IGF1: variants seen among roughly 807,000 people sequenced by gnomAD.
The protein encoded by IGF1 is insulin-like growth factor 1.
Under a neutral mutation model 13.8 loss-of-function variants are expected in IGF1, and 4 were observed. The ratio of observed to expected loss-of-function variants is 0.29; its 90% CI spans 0.14 to 0.66. The LOEUF (loss-of-function observed/expected upper bound fraction) is 0.66. Among genes scored for constraint, IGF1 ranks in the 30% least tolerant of loss-of-function variants. The pLI is 0.78. For missense variants in IGF1, 124 were observed against 188.5 expected (o/e 0.66, Z 2.00); for synonymous variants, 76 against 72.6 (o/e 1.05, Z -0.23).
In IGF1 at chr12:102,451,565, A is replaced by G. The variant is rs150898880; in HGVS notation, c.220+24078T>C. Among the ~76,000 whole-genome samples, 202 of 152,330 alleles carry G rather than the reference A, an allele frequency of 1.3e-3. 2 individuals carry two copies. Among genetic ancestry groups the G allele is most frequent in the African/African-American group, 4.7e-3 (196 of 41,566 alleles). ...GAAGAGAAAGTGAAAAGAAGATGGG[A>G]GATCGATGAGAAAGATATTCCAACC... is the stretch of plus-strand genomic sequence containing the variant. On this transcript the variant is annotated intron_variant, in intron 2 of 3. Transcript: ENST00000337514.
At chr12:102,426,245 CCTT>C (rs1876193226) in intron 2 of IGF1, among the ~76,000 whole-genome samples, 1 of 152,194 alleles carries the variant, frequency 6.6e-6, no homozygotes, top group African/African-American at 2.4e-5. Context: ...AAGGACTCAA[CCTT>C]CTAAGATTCA....
intron 2 of IGF1, among the ~76,000 whole-genome samples, chr12:102,435,980 G>C (rs1334097249): frequency 2.6e-5 from 4 of 152,212 alleles, no homozygotes; most frequent in African/African-American, 9.7e-5. Context: ...TGTGGCACTG[G>C]AGAGAAGGGA....
chr12:102,421,417 G>A (rs1289026483), intron 2 of IGF1, among the ~76,000 whole-genome samples: 1 of 152,084 alleles, frequency 6.6e-6, no homozygotes, highest in Non-Finnish European at 1.5e-5. Flanking sequence ...ACACAAATGG[G>A]CTTACACTGT....
chr12:102,452,728 T>C (rs1380388160), intron 2 of IGF1, among the ~76,000 whole-genome samples: 1 of 152,208 alleles, frequency 6.6e-6, no homozygotes, highest in African/African-American at 2.4e-5. Flanking sequence ...CTCTTCTTAT[T>C]GGCTAACTGC....
chr12:102,419,439 G>C (rs989239519), intron 3 of IGF1, 70 bp downstream of exon 3: 31 of 1,480,256 alleles, frequency 2.1e-5, no homozygotes, highest in Non-Finnish European at 2.8e-5. Flanking sequence ...CAGGATTTCT[G>C]CTTGGCCCAC....
At chr12:102,416,636 A>G (rs1248205970) in intron 3 of IGF1, among the ~76,000 whole-genome samples, 1 of 152,162 alleles carries the variant, frequency 6.6e-6, no homozygotes, top group Non-Finnish European at 1.5e-5. Context: ...CAGATCTAAC[A>G]TAGTATGTTC....
chr12:102,450,777 T>C (rs1878852056), intron 2 of IGF1, among the ~76,000 whole-genome samples: 1 of 152,228 alleles, frequency 6.6e-6, no homozygotes, highest in African/African-American at 2.4e-5. Context: ...TTTTAAATCA[T>C]TCTTTCCAAT....
intron 2 of IGF1, among the ~76,000 whole-genome samples, chr12:102,450,370 C>G (rs72561802): frequency 6.6e-6 from 1 of 152,328 alleles, no homozygotes; most frequent in African/African-American, 2.4e-5. Flanking sequence ...TGCCTTTTGG[C>G]GCTGCTTTCC....
At chr12:102,454,532 T>A (rs5742638) in intron 2 of IGF1, among the ~76,000 whole-genome samples, 327 of 152,376 alleles carry the variant, frequency 2.1e-3, no homozygotes, top group African/African-American at 7.4e-3. Flanking sequence ...AATGTTTGTC[T>A]TAGCTGAGTC....
chr12:102,459,493 C>T (rs1182817842), intron 2 of IGF1, among the ~76,000 whole-genome samples: 1 of 151,830 alleles, frequency 6.6e-6, no homozygotes. Flanking sequence ...AAATAGGTAA[C>T]AGCTGTTATG....
intron 3 of IGF1, among the ~76,000 whole-genome samples, chr12:102,405,304 T>C (rs1159114389): frequency 6.7e-6 from 1 of 149,012 alleles, no homozygotes; most frequent in African/African-American, 2.4e-5. Flanking sequence ...GCCAGGCTGG[T>C]CTTGAACTCC....
chr12:102,407,470 G>T, intron 3 of IGF1, among the ~76,000 whole-genome samples: 1 of 152,136 alleles, frequency 6.6e-6, no homozygotes, highest in Non-Finnish European at 1.5e-5. Context: ...CTACTGTCTT[G>T]ACTGTTTTAT....
chr12:102,396,785 TCTC>T lies in IGF1; in HGVS notation c.*5719_*5721del, dbSNP rs1873217442. On this transcript the variant is annotated 3_prime_UTR_variant, in exon 4 of 4. Coordinates refer to ENST00000337514, the MANE Select transcript of IGF1 (RefSeq NM_000618.5). Reference sequence around the variant, plus strand: ...AGCAGTAACATTTGGTTTTGTGTCCTCTCTTTTTTTTTTTTTACTTTAAAAAAG... The same window carrying T: ...AGCAGTAACATTTGGTTTTGTGTCCTTTTTTTTTTTTTTACTTTAAAAAAG... 1 of 395,178 alleles carries T rather than the reference TCTC, an allele frequency of 2.5e-6. No individual in the cohort carries two copies. Among genetic ancestry groups the T allele is most frequent in the Admixed American group, 4.5e-5 (1 of 22,306 alleles). 24.5% of individuals were successfully genotyped at this position (395,178 alleles called of 1,614,324 possible).
At chr12:102,451,343 C>A (rs979523989) in intron 2 of IGF1, among the ~76,000 whole-genome samples, 1 of 152,162 alleles carries the variant, frequency 6.6e-6, no homozygotes, top group Non-Finnish European at 1.5e-5. Context: ...AATTACTGAG[C>A]GCATTTTATT....
chr12:102,478,340 T>C (rs1881198139), intron 1 of IGF1: 3 of 484,542 alleles, frequency 6.2e-6, no homozygotes, highest in East Asian at 3.5e-5. Flanking sequence ...GAAAACACTT[T>C]CTCAAAAATC....
chr12:102,454,823 T>C (rs5742634), intron 2 of IGF1, among the ~76,000 whole-genome samples: 3,419 of 152,312 alleles, frequency 0.022, 137 homozygotes, highest in African/African-American at 0.079. Flanking sequence ...AAGAAGGCTT[T>C]CCTATTTGCT....
chr12:102,441,961 T>TCTTCTTCTTCTTCTTCTTCTTC (rs1592786145), intron 2 of IGF1, among the ~76,000 whole-genome samples: 2 of 14,002 alleles, frequency 1.4e-4, no homozygotes, highest in African/African-American at 4.8e-4. Context: ...TCTTCTTTTT[T>TCTTCTTCTTCTTCTTCTTCTTC]TTTTTTGAGA....
intron 2 of IGF1, among the ~76,000 whole-genome samples, chr12:102,429,933 A>G (rs1449889668): frequency 6.6e-6 from 1 of 152,128 alleles, no homozygotes; most frequent in Non-Finnish European, 1.5e-5. Flanking sequence ...GGACCTATCC[A>G]TGGTTACAGA....
intron 2 of IGF1, among the ~76,000 whole-genome samples, chr12:102,441,405 C>G (rs1001043022): frequency 2.0e-5 from 3 of 152,236 alleles, no homozygotes; most frequent in African/African-American, 7.2e-5. Flanking sequence ...GCCTGCTGCT[C>G]CTGCAAAATT....
Sources: allele counts gnomAD v4.1 joint callset (sites outside exome capture counted in the v4.1 genomes callset), GRCh38; gene constraint gnomAD v4.1.1; transcripts MANE v1.5; gene names NCBI Gene and HGNC (gene_info 2026-07-23, HGNC 2026-07-21).